FECH: variants seen among roughly 807,000 people sequenced by gnomAD.
FECH encodes the protein ferrochelatase, also known as ferrochelatase, mitochondrial.
FECH carries 40 observed loss-of-function variants against 56.9 expected under a neutral mutation model. The ratio of observed to expected loss-of-function variants is 0.70; its 90% CI spans 0.55 to 0.92. The LOEUF (loss-of-function observed/expected upper bound fraction) is 0.92, where lower values mean the gene tolerates loss of function less well. FECH is among the 40% of genes least tolerant of loss of function. The probability of loss-of-function intolerance (pLI) is 0.00; values close to 1 mark genes in which losing one functional copy is unlikely to be tolerated. For synonymous variants in FECH, 175 were observed against 198.6 expected (o/e 0.88, Z 1.00); for missense variants, 431 against 529.1 (o/e 0.81, Z 1.82).
rs528092415 is a variant in FECH, at chr18:57,572,748, G to A, written c.314+498C>T. On this transcript the variant is annotated intron_variant, in intron 3 of 10. Coordinates refer to ENST00000262093, the MANE Select transcript of FECH (RefSeq NM_000140.5). Reference sequence around the variant, plus strand: ...GTGAAAGGGACACTTGCCTTTTACTGTAATTACTTTTATACTATTTGTAGT... The same window carrying A: ...GTGAAAGGGACACTTGCCTTTTACTATAATTACTTTTATACTATTTGTAGT... Among the ~76,000 whole-genome samples, 5 of 151,824 alleles carry A rather than the reference G, an allele frequency of 3.3e-5. No homozygotes were observed. In the South Asian group the frequency reaches 1.0e-3, roughly 32 times the overall value.
chr18:57,547,957 T>C lies in FECH; in HGVS notation c.*2755A>G, dbSNP rs943316855. Among the ~76,000 whole-genome samples the C allele has an allele frequency of 2.2e-4, 34 of 152,228 alleles. No homozygotes were observed. Among genetic ancestry groups the C allele is most frequent in the African/African-American group, 7.5e-4 (31 of 41,540 alleles). On this transcript the variant is annotated 3_prime_UTR_variant, in exon 11 of 11. Coordinates refer to ENST00000262093, the MANE Select transcript of FECH (RefSeq NM_000140.5). ...AGCCTCACATTTAAAGGGCTTTTAA[T>C]AATGAGTTCAGGGCCAGGTGCAGAG...
chr18:57,579,990 C>T, intron 2 of FECH, 83 bp downstream of exon 2: 1 of 1,592,170 alleles, frequency 6.3e-7, no homozygotes, highest in Non-Finnish European at 8.6e-7. Context: ...TTCCCAGCAC[C>T]TTTCCTCCCA....
At position 57,549,905 on chromosome 18, in the gene FECH, G is replaced by C. The variant is rs980083964; in HGVS notation, c.*807C>G. ...GATGGAGAGGCTTGCAAGGTCCCGG[G>C]AGGAGCTCCAGGGTGAAGCTCATCA... On this transcript the variant is annotated 3_prime_UTR_variant, in exon 11 of 11. Coordinates refer to ENST00000262093, the MANE Select transcript of FECH (RefSeq NM_000140.5). The C allele has an allele frequency of 2.6e-5, 4 of 152,182 alleles. No homozygotes were observed. The highest frequency in any genetic ancestry group is 6.5e-5 in the Admixed American group (1 of 15,278). 9.4% of individuals were successfully genotyped at this position (152,182 alleles called of 1,614,324 possible).
In FECH at chr18:57,548,283, T is replaced by G. The variant is rs1032106593; in HGVS notation, c.*2429A>C. ...AAAAAAAACAAAACAAAACAATGAG[T>G]TCATTTCTCCTGATACGAAGCAAAT... On this transcript the variant is annotated 3_prime_UTR_variant, in exon 11 of 11. Transcript: ENST00000262093. 6 of 150,238 alleles carry G rather than the reference T, an allele frequency of 4.0e-5. No individual in the cohort carries two copies. The highest frequency in any genetic ancestry group is 7.4e-5 in the Non-Finnish European group (5 of 67,744). The allele number at this position is 150,238 out of a possible 1,614,324, so 9.3% of individuals were successfully genotyped here. A position where few individuals can be genotyped will look rare whatever the true frequency, so the allele number is the denominator to read the frequency against.
At position 57,586,668 on chromosome 18, in the gene FECH, G is replaced by A; in HGVS notation, c.-48C>T. On this transcript the variant is annotated 5_prime_UTR_variant, in exon 1 of 11. Transcript: ENST00000262093. ...GTCCGGGCTCCTCCCGCGGCGGCGC[G>A]CCCAGGTGTCCGCCCAGCAGTGGCC... The A allele has an allele frequency of 6.8e-7, 1 of 1,472,794 alleles. No individual in the cohort carries two copies. The allele number at this position is 1,472,794 out of a possible 1,614,324, so 91.2% of individuals were successfully genotyped here. A position where few individuals can be genotyped will look rare whatever the true frequency, so the allele number is the denominator to read the frequency against.
chr18:57,576,628 T>G (rs1355100742), intron 2 of FECH, among the ~76,000 whole-genome samples: 2 of 152,230 alleles, frequency 1.3e-5, no homozygotes, highest in Non-Finnish European at 2.9e-5. Context: ...CTATAACACC[T>G]GAGCTCAGAA....
At chr18:57,579,554 G>A (rs435338) in intron 2 of FECH, among the ~76,000 whole-genome samples, 41,347 of 151,978 alleles carry the variant, frequency 0.27, 6,573 homozygotes, top group East Asian at 0.64. Flanking sequence ...TGCCATGCCT[G>A]CTGCCAGCCA....
intron 2 of FECH, among the ~76,000 whole-genome samples, chr18:57,575,627 T>C (rs979791164): frequency 3.9e-5 from 6 of 152,118 alleles, no homozygotes; most frequent in Admixed American, 3.9e-4. Flanking sequence ...ATTTTTTATA[T>C]AGACAGAGTC....
At chr18:57,581,843 A>G (rs1462322884) in intron 1 of FECH, among the ~76,000 whole-genome samples, 1 of 152,212 alleles carries the variant, frequency 6.6e-6, no homozygotes, top group Non-Finnish European at 1.5e-5. Flanking sequence ...AAAATATAAG[A>G]GAATTATATC....
chr18:57,586,334 G>A (rs1044042219), intron 1 of FECH, among the ~76,000 whole-genome samples: 2 of 152,226 alleles, frequency 1.3e-5, no homozygotes, highest in Admixed American at 1.3e-4. Context: ...ACTTGAACCT[G>A]CGCCTCCTGG....
At chr18:57,582,671 T>C (rs1485737382) in intron 1 of FECH, among the ~76,000 whole-genome samples, 2 of 149,992 alleles carry the variant, frequency 1.3e-5, no homozygotes, top group East Asian at 2.0e-4. Flanking sequence ...CCCAGCACTT[T>C]GGGAGGCCGA....
intron 2 of FECH, 72 bp downstream of exon 2, chr18:57,580,001 G>C: frequency 6.2e-7 from 1 of 1,602,272 alleles, no homozygotes; most frequent in East Asian, 2.2e-5. Context: ...TTTCCTCCCA[G>C]GCAGCTTGTG....
chr18:57,572,588 T>TG (rs34172858), intron 3 of FECH, among the ~76,000 whole-genome samples: 30,141 of 62,662 alleles, frequency 0.48, 7,329 homozygotes, highest in East Asian at 0.68. Flanking sequence ...TGTAACGAAG[T>TG]GGGGGGGGGG....
chr18:57,563,374 G>A (rs377618644), intron 5 of FECH, among the ~76,000 whole-genome samples: 2 of 152,072 alleles, frequency 1.3e-5, no homozygotes, highest in African/African-American at 4.8e-5. Context: ...CTGAGGTTGG[G>A]AGTTTGACAC....
At chr18:57,578,642 C>T (rs1038292826) in intron 2 of FECH, among the ~76,000 whole-genome samples, 13 of 151,524 alleles carry the variant, frequency 8.6e-5, no homozygotes, top group South Asian at 2.1e-4. Flanking sequence ...ATCACACCAC[C>T]GCACTCCAGC....
chr18:57,559,396 G>A (rs1383384744), intron 6 of FECH, among the ~76,000 whole-genome samples, 153 bp from the exon 7 acceptor site: 1 of 152,180 alleles, frequency 6.6e-6, no homozygotes, highest in African/African-American at 2.4e-5. Context: ...AAACAGTCCA[G>A]CCTCTCAGCA....
intron 2 of FECH, among the ~76,000 whole-genome samples, chr18:57,574,196 G>C (rs146745412): frequency 6.6e-6 from 1 of 152,050 alleles, no homozygotes. Flanking sequence ...GTTTCGCCAT[G>C]TTGGCCAGGC....
In FECH at chr18:57,545,815, A is replaced by G. The variant is rs1185382381; in HGVS notation, c.*4897T>C. Among the ~76,000 whole-genome samples, 1 of 147,414 alleles carries G rather than the reference A, an allele frequency of 6.8e-6. No individual in the cohort carries two copies. The highest frequency in any genetic ancestry group is 2.4e-5 in the African/African-American group (1 of 41,038). The stretch of plus-strand genomic sequence containing the variant: ...TTGCACAAGTGTCTAGCTGGAGAAA[A>G]TTGACAAAAAAAATAGAAAGTTTGT... On this transcript the variant is annotated 3_prime_UTR_variant, in exon 11 of 11. Coordinates refer to ENST00000262093, the MANE Select transcript of FECH (RefSeq NM_000140.5).
intron 3 of FECH, among the ~76,000 whole-genome samples, chr18:57,572,713 G>C (rs1207168600): frequency 6.6e-6 from 1 of 151,730 alleles, no homozygotes; most frequent in Non-Finnish European, 1.5e-5. Context: ...TGGATAACTG[G>C]GAGTGCAAGG....
Sources: gnomAD v4.1 joint callset for allele counts (sites outside exome capture counted in the v4.1 genomes callset) on GRCh38, gnomAD v4.1.1 for gene constraint, MANE v1.5 for transcripts, NCBI Gene and HGNC (gene_info 2026-07-23, HGNC 2026-07-21) for gene names.